FILIP1: variants seen among roughly 807,000 people sequenced by gnomAD.
FILIP1 encodes the protein filamin A interacting protein 1, also known as filamin-A-interacting protein 1.
FILIP1 carries 61 observed loss-of-function variants against 102.1 expected under a neutral mutation model. The ratio of observed to expected loss-of-function variants is 0.60; its 90% CI spans 0.49 to 0.74. The LOEUF is 0.74. FILIP1 is among the 30% of genes least tolerant of loss of function. The pLI is 0.00. For missense variants in FILIP1, 1,314 were observed against 1,441.2 expected (o/e 0.91, Z 1.43); for synonymous variants, 491 against 526.9 (o/e 0.93, Z 0.93).
At chr6:75,349,865 T>G (rs1582381295) in intron 4 of FILIP1, among the ~76,000 whole-genome samples, 1 of 152,146 alleles carries the variant, frequency 6.6e-6, no homozygotes, top group Non-Finnish European at 1.5e-5. Flanking sequence ...AGCCTCGGGG[T>G]CAGCCTCCTG....
At chr6:75,413,073 T>C (rs933725216) in intron 2 of FILIP1, among the ~76,000 whole-genome samples, 2 of 152,158 alleles carry the variant, frequency 1.3e-5, no homozygotes, top group African/African-American at 4.8e-5. Context: ...TGAAACCTTA[T>C]CTAGCACCAC....
chr6:75,298,230 T>G (rs1208850365), intron 6 of FILIP1, among the ~76,000 whole-genome samples: 3 of 152,204 alleles, frequency 2.0e-5, no homozygotes, highest in Non-Finnish European at 4.4e-5. Context: ...ATTAGCAAAC[T>G]CATAATCCAT....
At position 75,312,920 on chromosome 6, in the gene FILIP1, G is replaced by A; in HGVS notation, c.2912C>T (p.Thr971Ile). The A allele has an allele frequency of 6.2e-7, 1 of 1,614,162 alleles. No homozygotes were observed. The highest frequency in any genetic ancestry group is 8.5e-7 in the Non-Finnish European group (1 of 1,180,032). ...MPQKQKSGDT[T>I]LGPERAMSPV... ...GGACATGGCTCGTTCTGGGCCAAGA[G>A]TAGTATCTCCACTTTTTTGTTTTTG... Residue 971 changes from threonine to isoleucine, a missense_variant, in exon 5 of 6, where the codon ACT becomes ATT. Transcript: ENST00000237172.
At chr6:75,351,212 C>T (rs1774791980) in intron 4 of FILIP1, among the ~76,000 whole-genome samples, 1 of 152,082 alleles carries the variant, frequency 6.6e-6, no homozygotes, top group South Asian at 2.1e-4. Context: ...TACAGGTGCA[C>T]ACCACCATGC....
chr6:75,368,183 C>A (rs1431229882), intron 2 of FILIP1, among the ~76,000 whole-genome samples: 1 of 152,002 alleles, frequency 6.6e-6, no homozygotes, highest in African/African-American at 2.4e-5. Context: ...CATAAATACC[C>A]ACAACTGAAA....
intron 2 of FILIP1, among the ~76,000 whole-genome samples, chr6:75,383,426 A>G (rs1775966640): frequency 6.6e-6 from 1 of 152,174 alleles, no homozygotes; most frequent in Non-Finnish European, 1.5e-5. Flanking sequence ...ATGAATTTAC[A>G]GTGGTAAATT....
intron 1 of FILIP1, among the ~76,000 whole-genome samples, chr6:75,428,864 TC>T (rs1777722390): frequency 6.6e-6 from 1 of 152,108 alleles, no homozygotes; most frequent in Non-Finnish European, 1.5e-5. Context: ...TCACAAATAA[TC>T]CATTTAGATT....
At chr6:75,462,844 A>G (rs1462245578) in intron 1 of FILIP1, among the ~76,000 whole-genome samples, 1 of 152,138 alleles carries the variant, frequency 6.6e-6, no homozygotes, top group African/African-American at 2.4e-5. Context: ...CCACTTTTCT[A>G]TCATCTCCAC....
Position 75,455,513 on chromosome 6 carries a change from C to T in FILIP1, c.-7+37901G>A, listed in dbSNP as rs115344792. Among the ~76,000 whole-genome samples, 771 of 152,014 alleles carry T rather than the reference C, an allele frequency of 5.1e-3. 6 individuals are homozygous for T. The highest frequency in any genetic ancestry group is 0.018 in the African/African-American group (729 of 41,470). ...AATTGATACTGGATTTTTGGGACAA[C>T]CAAATTAGAAAATGCAGGCAAAGTG... On this transcript the variant is annotated intron_variant, in intron 1 of 5. Transcript: ENST00000237172.
At chr6:75,310,063 C>A (rs1468731996) in intron 5 of FILIP1, among the ~76,000 whole-genome samples, 4 of 152,232 alleles carry the variant, frequency 2.6e-5, no homozygotes, top group Non-Finnish European at 5.9e-5. Context: ...TATCCAACCC[C>A]AGTTTGCTTC....
rs146166109 is a variant in FILIP1 at position 75,315,510 on chromosome 6, G to A, written c.630-308C>T. Among the ~76,000 whole-genome samples the A allele has an allele frequency of 7.0e-3, 1,061 of 152,246 alleles. 19 individuals are homozygous for A. Among genetic ancestry groups the A allele is most frequent in the African/African-American group, 0.024 (1,006 of 41,542 alleles). On this transcript the variant is annotated intron_variant, in intron 4 of 5. Transcript: ENST00000237172. Reference sequence around the variant, plus strand: ...AAATTTCAGTAAGCTGAACACTTCCGAGTATCTTTCTGCATATGTATTATA... The same window carrying A: ...AAATTTCAGTAAGCTGAACACTTCCAAGTATCTTTCTGCATATGTATTATA...
chr6:75,445,993 C>G (rs555783581), intron 1 of FILIP1, among the ~76,000 whole-genome samples: 1 of 152,034 alleles, frequency 6.6e-6, no homozygotes, highest in Non-Finnish European at 1.5e-5. Flanking sequence ...AAATTTAAAG[C>G]ATCACCATGG....
intron 1 of FILIP1, among the ~76,000 whole-genome samples, chr6:75,437,578 G>A (rs2703702): frequency 0.66 from 100,989 of 151,952 alleles, 34,106 homozygotes; most frequent in African/African-American, 0.77. Context: ...TGCTCACTAT[G>A]AGGTAACTGC....
At chr6:75,302,813 TATGATATGAC>T (rs1204123122) in intron 6 of FILIP1, among the ~76,000 whole-genome samples, 3 of 130,294 alleles carry the variant, frequency 2.3e-5, no homozygotes, top group Admixed American at 7.9e-5. Flanking sequence ...GATGATATGA[TATGATATGAC>T]ATGATATGAT....
intron 6 of FILIP1, among the ~76,000 whole-genome samples, chr6:75,302,818 TATGAC>T (rs1227437501): frequency 5.0e-5 from 5 of 99,534 alleles, no homozygotes; most frequent in Admixed American, 1.1e-4. Flanking sequence ...TATGATATGA[TATGAC>T]ATGATATGAT....
chr6:75,305,903 C>A (rs144550792), downstream of FILIP1, among the ~76,000 whole-genome samples: 148 of 152,024 alleles, frequency 9.7e-4, no homozygotes, highest in African/African-American at 3.4e-3. Flanking sequence ...CATAGTGAGA[C>A]CCCTTTTATT....
At chr6:75,436,993 C>A (rs1273347734) in intron 1 of FILIP1, among the ~76,000 whole-genome samples, 2 of 152,182 alleles carry the variant, frequency 1.3e-5, no homozygotes, top group Non-Finnish European at 2.9e-5. Flanking sequence ...CTGGCTCCAG[C>A]ACACCACTGA....
chr6:75,461,871 C>T (rs1455240922), intron 1 of FILIP1, among the ~76,000 whole-genome samples: 1 of 152,110 alleles, frequency 6.6e-6, no homozygotes, highest in South Asian at 2.1e-4. Context: ...ATGGGGTGTG[C>T]GTGCTCAGAG....
At chr6:75,480,468 TG>T (rs1433030225) in intron 1 of FILIP1, among the ~76,000 whole-genome samples, 1 of 152,082 alleles carries the variant, frequency 6.6e-6, no homozygotes, top group Non-Finnish European at 1.5e-5. Context: ...CATGAACTCC[TG>T]GGCTCAATCG....
Sources: allele counts gnomAD v4.1 joint callset (sites outside exome capture counted in the v4.1 genomes callset), GRCh38; gene constraint gnomAD v4.1.1; transcripts MANE v1.5; gene names NCBI Gene and HGNC (gene_info 2026-07-23, HGNC 2026-07-21).